The following ARPC2 variants were observed in gnomAD, a reference collection of about 807,000 sequenced individuals.
ARPC2 encodes the protein actin related protein 2/3 complex subunit 2.
A neutral mutation model predicts 38.6 loss-of-function variants in ARPC2; 4 were observed. The ratio of observed to expected loss-of-function variants is 0.10; its 90% CI spans 0.05 to 0.24. ARPC2 has a LOEUF of 0.24. Ranked by LOEUF, ARPC2 falls within the 10% of genes least tolerant of loss-of-function variation. The pLI, the probability that ARPC2 is intolerant of heterozygous loss-of-function variation, is 1.00. For missense variants in ARPC2, 229 were observed against 387.3 expected (o/e 0.59, Z 3.43); for synonymous variants, 125 against 140.8 (o/e 0.89, Z 0.79).
At chr2:218,228,277 C>A (rs1437024294) in intron 3 of ARPC2, among the ~76,000 whole-genome samples, 1 of 152,042 alleles carries the variant, frequency 6.6e-6, no homozygotes, top group Non-Finnish European at 1.5e-5. Flanking sequence ...GTGGCACATG[C>A]CTGTAGTCCC....
At chr2:218,251,497 C>T (rs945641018) in intron 10 of ARPC2, among the ~76,000 whole-genome samples, 3 of 152,050 alleles carry the variant, frequency 2.0e-5, no homozygotes, top group Non-Finnish European at 2.9e-5. Flanking sequence ...AGGAGTGAGC[C>T]ACCGCGCCCA....
intron 7 of ARPC2, among the ~76,000 whole-genome samples, chr2:218,243,978 C>T (rs1372053241): frequency 6.6e-6 from 1 of 152,176 alleles, no homozygotes; most frequent in Non-Finnish European, 1.5e-5. Flanking sequence ...CCAACAGTTA[C>T]GTATCTGTTC....
At chr2:218,222,677 C>T (rs6436045) in intron 2 of ARPC2, among the ~76,000 whole-genome samples, 142,450 of 152,228 alleles carry the variant, frequency 0.94, 67,296 homozygotes, top group East Asian at 1. Context: ...CTTCAGAGTC[C>T]GATCTCTGAC....
In ARPC2 at chr2:218,229,763, T is replaced by C. The variant is rs567920219; in HGVS notation, c.222+913T>C. Among the ~76,000 whole-genome samples the C allele has an allele frequency of 3.9e-5, 6 of 152,332 alleles. No individual in the cohort carries two copies. The South Asian group carries it at 1.0e-3, about 26-fold the overall frequency. On this transcript the variant is annotated intron_variant, in intron 4 of 10. Coordinates refer to ENST00000315717, the MANE Select transcript of ARPC2 (RefSeq NM_152862.3). The stretch of plus-strand genomic sequence containing the variant: ...TGGTTGCTTCCCTTAGTTATTCAAA[T>C]GCAATTGATTTTCTCATAAGTTCAA...
At chr2:218,229,840 A>G (rs1689588799) in intron 4 of ARPC2, among the ~76,000 whole-genome samples, 1 of 152,234 alleles carries the variant, frequency 6.6e-6, no homozygotes, top group Non-Finnish European at 1.5e-5. Context: ...TTACTGGAAA[A>G]AGAAAAGCTT....
At position 218,217,624 on chromosome 2, in the gene ARPC2, A is replaced by G. The variant is rs952077606; in HGVS notation, c.74+80A>G. 3 of 1,406,026 alleles carry G rather than the reference A, an allele frequency of 2.1e-6. No homozygotes were observed. The African/African-American group carries it at 4.3e-5, about 20-fold the overall frequency. The allele number at this position is 1,406,026 out of a possible 1,614,324, so 87.1% of individuals were successfully genotyped here. A position where few individuals can be genotyped will look rare whatever the true frequency, so the allele number is the denominator to read the frequency against. On this transcript the variant is annotated intron_variant, in intron 2 of 10. Coordinates refer to ENST00000315717, the MANE Select transcript of ARPC2 (RefSeq NM_152862.3). ...AATCCCCAATGTTGTCCAGTCCCCC[A>G]GACCTGGAGGAGAGAAATGGGGTGC...
At chr2:218,243,175 C>G (rs1689955702) in intron 7 of ARPC2, among the ~76,000 whole-genome samples, 1 of 152,136 alleles carries the variant, frequency 6.6e-6, no homozygotes, top group Admixed American at 6.5e-5. Context: ...AATGGCTATC[C>G]AGTGGTCCCA....
intron 2 of ARPC2, among the ~76,000 whole-genome samples, chr2:218,224,540 G>A (rs551991387): frequency 2.0e-5 from 3 of 152,222 alleles, no homozygotes; most frequent in South Asian, 4.1e-4. Flanking sequence ...TATTGGACTC[G>A]TTGCCTTTGT....
At chr2:218,250,205 G>T (rs969782347) in intron 10 of ARPC2, among the ~76,000 whole-genome samples, 8 of 152,214 alleles carry the variant, frequency 5.3e-5, no homozygotes, top group Non-Finnish European at 5.9e-5. Flanking sequence ...TATGAGGTCA[G>T]TCTTGTGCTT....
chr2:218,230,720 C>G (rs1396219722), intron 4 of ARPC2, among the ~76,000 whole-genome samples: 2 of 152,126 alleles, frequency 1.3e-5, no homozygotes, highest in Non-Finnish European at 2.9e-5. Context: ...CAAGCCTGCA[C>G]AGTGGCACAC....
chr2:218,226,292 A>G (rs1689494626), intron 3 of ARPC2, among the ~76,000 whole-genome samples: 2 of 151,346 alleles, frequency 1.3e-5, no homozygotes, highest in Admixed American at 1.3e-4. Context: ...ACTGTCTCAA[A>G]AAAAAAAAGA....
intron 3 of ARPC2, among the ~76,000 whole-genome samples, chr2:218,227,369 C>T (rs1267948371): frequency 6.6e-6 from 1 of 152,164 alleles, no homozygotes; most frequent in Non-Finnish European, 1.5e-5. Context: ...TCAAATAAGA[C>T]AACAATGCTT....
chr2:218,232,079 A>C (rs2106149402), intron 4 of ARPC2, among the ~76,000 whole-genome samples: 2 of 152,218 alleles, frequency 1.3e-5, no homozygotes, highest in Admixed American at 1.3e-4. Flanking sequence ...ATCTCTACTA[A>C]AAAATATAAA....
At chr2:218,238,490 G>A (rs1328694815) in intron 5 of ARPC2, among the ~76,000 whole-genome samples, 174 bp from the exon 6 acceptor site, 1 of 151,370 alleles carries the variant, frequency 6.6e-6, no homozygotes, top group Admixed American at 6.6e-5. Flanking sequence ...TTCTACCCAG[G>A]TTAAAAGTAC....
intron 3 of ARPC2, 41 bp from the exon 4 acceptor site, chr2:218,228,697 A>G (rs747587043): frequency 1.5e-6 from 2 of 1,301,392 alleles, no homozygotes; most frequent in South Asian, 1.2e-5. Context: ...ATTATTTCCC[A>G]TTCCCAAATT....
At chr2:218,222,700 A>G (rs1365327299) in intron 2 of ARPC2, among the ~76,000 whole-genome samples, 1 of 152,160 alleles carries the variant, frequency 6.6e-6, no homozygotes, top group African/African-American at 2.4e-5. Flanking sequence ...CACCTAGGAG[A>G]AGAACTAATT....
chr2:218,239,308 C>G (rs1689852308), intron 6 of ARPC2, 83 bp from the exon 7 acceptor site: 2 of 951,366 alleles, frequency 2.1e-6, no homozygotes, highest in South Asian at 2.8e-5. Context: ...TGACTTTAGC[C>G]TTCTGATGTA....
chr2:218,239,896 G>A (rs966958062), intron 7 of ARPC2, among the ~76,000 whole-genome samples: 16 of 146,736 alleles, frequency 1.1e-4, no homozygotes, highest in Non-Finnish European at 2.3e-4. Flanking sequence ...CAGCCTTGAC[G>A]TTAGAATTTG....
chr2:218,253,809 G>T, intron 10 of ARPC2, 82 bp from the exon 11 acceptor site: 2 of 1,481,114 alleles, frequency 1.4e-6, no homozygotes, highest in Middle Eastern at 1.8e-4. Context: ...TGTTTCTTTG[G>T]GATCCCATCT....
Sources: gnomAD v4.1 joint callset for allele counts (sites outside exome capture counted in the v4.1 genomes callset) on GRCh38, gnomAD v4.1.1 for gene constraint, MANE v1.5 for transcripts, NCBI Gene and HGNC (gene_info 2026-07-23, HGNC 2026-07-21) for gene names.